DCT: variants seen among roughly 807,000 people sequenced by gnomAD.
DCT encodes the protein dopachrome tautomerase.
A neutral mutation model predicts 53.0 loss-of-function variants in DCT; 47 were observed. The observed-to-expected ratio is 0.89, with a 90% CI of 0.70 to 1.13. DCT has a LOEUF of 1.13. Among genes scored for constraint, DCT ranks in the 50% most tolerant of loss-of-function variants. DCT has a pLI of 0.00. For synonymous variants in DCT, 244 were observed against 237.0 expected (o/e 1.03, Z -0.27); for missense variants, 669 against 637.4 (o/e 1.05, Z -0.53).
At chr13:94,444,303 A>G (rs1193134559) in intron 6 of DCT, 2 of 429,448 alleles carry the variant, frequency 4.7e-6, no homozygotes, top group Non-Finnish European at 9.2e-6. Flanking sequence ...AGCATTTCAG[A>G]TAAGTGATAC....
At chr13:94,445,915 A>G (rs940817804) in intron 6 of DCT, among the ~76,000 whole-genome samples, 26 of 152,092 alleles carry the variant, frequency 1.7e-4, no homozygotes, top group African/African-American at 5.6e-4. Flanking sequence ...GAAGAGCCCC[A>G]TTCTTCCTCA....
Position 94,445,824 on chromosome 13 carries a change from G to A in DCT, c.1180-2187C>T, listed in dbSNP as rs537857314. 62 of 1,201,810 alleles carry A rather than the reference G, an allele frequency of 5.2e-5. No homozygotes were observed. The African/African-American group carries it at 8.9e-4, about 17-fold the overall frequency. The allele number at this position is 1,201,810 out of a possible 1,614,324, so 74.4% of individuals were successfully genotyped here. A position where few individuals can be genotyped will look rare whatever the true frequency, so the allele number is the denominator to read the frequency against. On this transcript the variant is annotated intron_variant, in intron 6 of 7. Transcript: ENST00000377028. ...AGTTCTTACATTCTCAGTGTGAGCT[G>A]AATTGGGACCCGCTGCCCCATGCAG... is the stretch of plus-strand genomic sequence containing the variant.
upstream of DCT, among the ~76,000 whole-genome samples, chr13:94,483,702 A>G (rs1290679164): frequency 6.6e-6 from 1 of 152,110 alleles, no homozygotes; most frequent in East Asian, 1.9e-4. Context: ...AAGTTTCACC[A>G]TGTTGGCCAG....
the DCT span, among the ~76,000 whole-genome samples, chr13:94,531,709 A>G: frequency 6.6e-6 from 1 of 152,194 alleles, no homozygotes; most frequent in Non-Finnish European, 1.5e-5. Flanking sequence ...CCTAGGCAAT[A>G]CCATTCAGGA....
intron 6 of DCT, chr13:94,445,846 G>A: frequency 1.1e-6 from 1 of 925,738 alleles, no homozygotes. Flanking sequence ...GCTGCCCCAT[G>A]CAGAAGTGGC....
intron 4 of DCT, among the ~76,000 whole-genome samples, chr13:94,463,314 TCTCACTCTGTAGC>T (rs1883942793): frequency 7.0e-6 from 1 of 143,170 alleles, no homozygotes; most frequent in Non-Finnish European, 1.5e-5. Context: ...TGAGACAGAG[TCTCACTCTGTAGC>T]CCAGGCTGGA....
chr13:94,448,689 G>A (rs1244023438), intron 6 of DCT, among the ~76,000 whole-genome samples: 1 of 152,136 alleles, frequency 6.6e-6, no homozygotes, highest in East Asian at 1.9e-4. Flanking sequence ...GATCACCCGA[G>A]GTCAGGAGTT....
chr13:94,524,954 A>T, the DCT span, among the ~76,000 whole-genome samples: 1 of 152,148 alleles, frequency 6.6e-6, no homozygotes, highest in Non-Finnish European at 1.5e-5. Flanking sequence ...ATGAAGACAG[A>T]TCAGATAATG....
chr13:94,495,924 G>T, the DCT span, among the ~76,000 whole-genome samples: 1 of 152,190 alleles, frequency 6.6e-6, no homozygotes, highest in South Asian at 2.1e-4. Context: ...TAGTGAAGCT[G>T]CATGGTAAGT....
At chr13:94,447,892 G>A (rs946424691) in intron 6 of DCT, among the ~76,000 whole-genome samples, 2 of 152,104 alleles carry the variant, frequency 1.3e-5, no homozygotes, top group Admixed American at 6.6e-5. Context: ...AAAAGAATAG[G>A]GGAAAATAAT....
the DCT span, among the ~76,000 whole-genome samples, chr13:94,505,088 A>T: frequency 6.6e-6 from 1 of 151,924 alleles, no homozygotes; most frequent in Non-Finnish European, 1.5e-5. Context: ...ACACCAAAAA[A>T]GTTTAGAAAA....
Position 94,462,129 on chromosome 13 carries a change from TCTC to T in DCT, c.921_923del (p.Arg309del). 1 of 1,613,474 alleles carries T rather than the reference TCTC, an allele frequency of 6.2e-7. No homozygotes were observed. The highest frequency in any genetic ancestry group is 8.5e-7 in the Non-Finnish European group (1 of 1,179,774). On this transcript the variant is annotated inframe_deletion, in exon 5 of 8. Coordinates refer to ENST00000377028, the MANE Select transcript of DCT (RefSeq NM_001922.5). ...TGCTGTTTCTTCCCATTTGATTTCT[TCTC>T]AGCAAACCTTCATAGGTTCCATTGC...
In DCT at chr13:94,468,820, G is replaced by A. The variant is rs138843354; in HGVS notation, c.521C>T (p.Pro174Leu). ...LGLLGPNGTQ[P>L]QFANCSVYDF... Reference sequence around the variant, plus strand: ...ATAAACACTGCAGTTGGCAAACTGCGGCTGGGTTCCATTGGGCCCAAGCAG... The same window carrying A: ...ATAAACACTGCAGTTGGCAAACTGCAGCTGGGTTCCATTGGGCCCAAGCAG... The change falls in exon 2 of 8, where the codon CCG (proline) becomes CTG (leucine). Residue 174 changes from proline to leucine, a missense_variant. Coordinates refer to ENST00000377028, the MANE Select transcript of DCT (RefSeq NM_001922.5). 1.2e-5 allele frequency: 20 copies of A among 1,614,024 alleles called. 1 individual carries two copies. Among genetic ancestry groups the A allele is most frequent in the Middle Eastern group, 1.6e-4 (1 of 6,084 alleles).
chr13:94,475,704 CAAA>C (rs985255298), intron 1 of DCT, among the ~76,000 whole-genome samples: 4 of 152,216 alleles, frequency 2.6e-5, no homozygotes, highest in Admixed American at 1.3e-4. Flanking sequence ...TAAACAAAAA[CAAA>C]GAACCACGAG....
At chr13:94,537,263 A>C in the DCT span, among the ~76,000 whole-genome samples, 1 of 152,228 alleles carries the variant, frequency 6.6e-6, no homozygotes, top group Non-Finnish European at 1.5e-5. Context: ...TACATCTGAA[A>C]GGTTTCCCAA....
intron 1 of DCT, among the ~76,000 whole-genome samples, chr13:94,476,883 C>G (rs916188000): frequency 6.6e-6 from 1 of 152,116 alleles, no homozygotes; most frequent in Non-Finnish European, 1.5e-5. Context: ...GCAACCTGCT[C>G]CTCATTCGTC....
In DCT at chr13:94,479,486, A is replaced by AC; in HGVS notation, c.-232dup. 1 of 461,066 alleles carries AC rather than the reference A, an allele frequency of 2.2e-6. No individual in the cohort carries two copies. Among genetic ancestry groups the AC allele is most frequent in the Non-Finnish European group, 3.8e-6 (1 of 263,044 alleles). 28.6% of individuals were successfully genotyped at this position (461,066 alleles called of 1,614,324 possible). Reference sequence around the variant, plus strand: ...TTTATGTGATTCAAACAACTAACAGACTTAATTTCCTTAGAAGCGCCTCTA... The same window carrying AC: ...TTTATGTGATTCAAACAACTAACAGACCTTAATTTCCTTAGAAGCGCCTCTA... On this transcript the variant is annotated 5_prime_UTR_variant, in exon 1 of 8. Coordinates refer to ENST00000377028, the MANE Select transcript of DCT (RefSeq NM_001922.5).
chr13:94,468,896 T>C lies in DCT; in HGVS notation c.445A>G (p.Lys149Glu). The stretch of plus-strand genomic sequence containing the variant: ...ACGTAGTCGGGGTGTACTCTCTTCT[T>C]CGCGAGATCTAAGGCGCCCAAGAAC... ...EQFLGALDLA[K>E]KRVHPDYVIT... The change falls in exon 2 of 8, where the codon AAG (lysine) becomes GAG (glutamate). Residue 149 changes from lysine to glutamate, a missense_variant. Coordinates refer to ENST00000377028, the MANE Select transcript of DCT (RefSeq NM_001922.5). 1 of 1,614,142 alleles carries C rather than the reference T, an allele frequency of 6.2e-7. No homozygotes were observed. Among genetic ancestry groups the C allele is most frequent in the Non-Finnish European group, 8.5e-7 (1 of 1,180,032 alleles).
Position 94,466,586 on chromosome 13 carries a change from T to C in DCT, c.668A>G (p.His223Arg), listed in dbSNP as rs377490914. The change falls in exon 3 of 8, where the codon CAT becomes CGT. Residue 223 changes from histidine (H) to arginine (R), a missense_variant. Transcript: ENST00000377028. ...GAGATCTCTTTCCAGACACAACAAA[T>C]GGTACCGGTGCCAGGTAACAAATGC... ...GPAFVTWHRY[H>R]LLCLERDLQR... is the part of the protein sequence containing the mutation. 41 of 1,611,324 alleles carry C rather than the reference T, an allele frequency of 2.5e-5. No homozygotes were observed. The highest frequency in any genetic ancestry group is 3.3e-5 in the Non-Finnish European group (39 of 1,178,598).
Sources: gnomAD v4.1 joint callset for allele counts (sites outside exome capture counted in the v4.1 genomes callset) on GRCh38, gnomAD v4.1.1 for gene constraint, MANE v1.5 for transcripts, NCBI Gene and HGNC (gene_info 2026-07-23, HGNC 2026-07-21) for gene names.